CNTN5: variants seen among roughly 807,000 people sequenced by gnomAD.
CNTN5 encodes contactin 5, also known as contactin-5.
In CNTN5, 77 loss-of-function variants were observed where a neutral mutation model predicts 129.1. The ratio of observed to expected loss-of-function variants is 0.60; its 90% CI spans 0.50 to 0.72. CNTN5 has a LOEUF of 0.72. Among genes scored for constraint, CNTN5 ranks in the 30% least tolerant of loss-of-function variants. The probability of loss-of-function intolerance (pLI) is 0.00; values close to 1 mark genes in which losing one functional copy is unlikely to be tolerated. For synonymous variants in CNTN5, 509 were observed against 465.6 expected (o/e 1.09, Z -1.20); for missense variants, 1,478 against 1,328.8 (o/e 1.11, Z -1.75).
At chr11:99,887,557 G>A (rs1267076525) in intron 6 of CNTN5, among the ~76,000 whole-genome samples, 1 of 152,232 alleles carries the variant, frequency 6.6e-6, no homozygotes, top group African/African-American at 2.4e-5. Flanking sequence ...ATCACAAGGT[G>A]AAGTCCCACA....
chr11:99,882,909 A>T (rs368397159), intron 6 of CNTN5, among the ~76,000 whole-genome samples: 1 of 151,792 alleles, frequency 6.6e-6, no homozygotes, highest in Non-Finnish European at 1.5e-5. Context: ...TGTACTCTCT[A>T]TCTTCATGAT....
chr11:99,722,858 A>G (rs1007967997), intron 3 of CNTN5, among the ~76,000 whole-genome samples: 1 of 152,010 alleles, frequency 6.6e-6, no homozygotes, highest in African/African-American at 2.4e-5. Flanking sequence ...CCCCATATAC[A>G]TAATGTATAC....
At chr11:99,848,344 G>A in intron 6 of CNTN5, among the ~76,000 whole-genome samples, 1 of 152,068 alleles carries the variant, frequency 6.6e-6, no homozygotes, top group East Asian at 1.9e-4. Flanking sequence ...TGTCTGAAAG[G>A]ATTTTTGTGG....
intron 2 of CNTN5, among the ~76,000 whole-genome samples, chr11:99,343,732 CCAGT>C (rs1866627265): frequency 6.6e-6 from 1 of 151,956 alleles, no homozygotes; most frequent in African/African-American, 2.4e-5. Flanking sequence ...CTCATAATGA[CCAGT>C]CATTCATTTA....
At chr11:99,141,805 T>G (rs139438963) in intron 1 of CNTN5, among the ~76,000 whole-genome samples, 1 of 152,334 alleles carries the variant, frequency 6.6e-6, no homozygotes, top group Non-Finnish European at 1.5e-5. Flanking sequence ...TGAATGGTTT[T>G]GAGAAACCCG....
intron 7 of CNTN5, 127 bp from the exon 8 acceptor site, chr11:99,956,663 AATACTAAATTATATAG>A (rs1399521924): frequency 3.3e-6 from 2 of 602,340 alleles, no homozygotes; most frequent in Admixed American, 6.1e-5. Context: ...TTGAATATAA[AATACTAAATTATATAG>A]ATACATGGAT....
At chr11:100,147,529 G>T (rs1281885580) in intron 13 of CNTN5, among the ~76,000 whole-genome samples, 1 of 151,928 alleles carries the variant, frequency 6.6e-6, no homozygotes, top group Admixed American at 6.6e-5. Flanking sequence ...CCTGCAGCTG[G>T]GTCAGTTCTG....
intron 3 of CNTN5, among the ~76,000 whole-genome samples, chr11:99,760,122 T>C (rs1469975657): frequency 1.3e-5 from 2 of 152,184 alleles, no homozygotes; most frequent in Non-Finnish European, 2.9e-5. Context: ...CTCCAATCCT[T>C]TTTTGATAGT....
intron 15 of CNTN5, among the ~76,000 whole-genome samples, chr11:100,210,347 C>CA (rs374618789): frequency 0.49 from 39,449 of 80,552 alleles, 8,909 homozygotes; most frequent in East Asian, 0.8. Flanking sequence ...GAGACTATCT[C>CA]AAAAAAAAAA....
intron 3 of CNTN5, among the ~76,000 whole-genome samples, chr11:99,640,152 G>A (rs1332828567): frequency 2.0e-5 from 3 of 152,058 alleles, no homozygotes; most frequent in Non-Finnish European, 4.4e-5. Flanking sequence ...ACATTTTCCT[G>A]TCTTCTGAGC....
intron 2 of CNTN5, among the ~76,000 whole-genome samples, chr11:99,432,830 G>A (rs1015429212): frequency 2.6e-5 from 4 of 151,700 alleles, no homozygotes; most frequent in African/African-American, 9.7e-5. Flanking sequence ...AAGTATGATG[G>A]GTGGCTGAAT....
At chr11:99,478,190 C>A (rs1244643494) in intron 2 of CNTN5, among the ~76,000 whole-genome samples, 1 of 152,066 alleles carries the variant, frequency 6.6e-6, no homozygotes, top group Non-Finnish European at 1.5e-5. Context: ...TTCCTCCAGT[C>A]TCTCACAAGA....
At chr11:99,913,517 A>G (rs1261604260) in intron 6 of CNTN5, among the ~76,000 whole-genome samples, 1 of 152,098 alleles carries the variant, frequency 6.6e-6, no homozygotes, top group East Asian at 1.9e-4. Context: ...TAAAGTTCCC[A>G]GGAAATAATG....
chr11:99,964,601 AT>A (rs1951043255), intron 8 of CNTN5, among the ~76,000 whole-genome samples: 1 of 151,274 alleles, frequency 6.6e-6, no homozygotes, highest in African/African-American at 2.4e-5. Flanking sequence ...TTCATCAGGG[AT>A]TTTGGTCTAA....
intron 1 of CNTN5, among the ~76,000 whole-genome samples, chr11:99,233,342 A>AAC (rs1555084568): frequency 2.0e-5 from 3 of 152,182 alleles, no homozygotes; most frequent in Admixed American, 6.5e-5. Context: ...TTCCAATTTG[A>AAC]AACAACAACA....
In CNTN5 at chr11:99,436,298, A is replaced by G. The variant is rs564893246; in HGVS notation, c.-71+110814A>G. ...AGATAGAATTTCATAGGATGCCACC[A>G]TAATTCTCTCCATTTCACATATGAA... On this transcript the variant is annotated intron_variant, in intron 2 of 24. Transcript: ENST00000524871. Among the ~76,000 whole-genome samples the G allele has an allele frequency of 4.6e-5, 7 of 152,304 alleles. No homozygotes were observed. The South Asian group carries it at 1.5e-3, about 32-fold the overall frequency.
chr11:100,163,536 A>G (rs753780623), intron 13 of CNTN5, among the ~76,000 whole-genome samples: 3 of 151,900 alleles, frequency 2.0e-5, no homozygotes, highest in Non-Finnish European at 4.4e-5. Context: ...ATTTTCTGGA[A>G]GTCAATAAAT....
chr11:99,783,073 A>T (rs1447818004), intron 3 of CNTN5, among the ~76,000 whole-genome samples: 1 of 139,856 alleles, frequency 7.2e-6, no homozygotes, highest in South Asian at 2.5e-4. Flanking sequence ...CAACCTACTC[A>T]TCTGACAAAG....
chr11:99,286,318 A>G (rs1863939587), intron 1 of CNTN5, among the ~76,000 whole-genome samples: 1 of 152,112 alleles, frequency 6.6e-6, no homozygotes, highest in Non-Finnish European at 1.5e-5. Flanking sequence ...CCCGTTTCCA[A>G]CTCATCTAAC....
Sources: allele counts gnomAD v4.1 joint callset (sites outside exome capture counted in the v4.1 genomes callset), GRCh38; gene constraint gnomAD v4.1.1; transcripts MANE v1.5; gene names NCBI Gene and HGNC (gene_info 2026-07-23, HGNC 2026-07-21).